The following PRKN variants were observed in gnomAD, a reference collection of about 807,000 sequenced individuals.
The protein encoded by PRKN is E3 ubiquitin-protein ligase parkin.
Under a neutral mutation model 59.5 loss-of-function variants are expected in PRKN, and 56 were observed. The ratio of observed to expected loss-of-function variants is 0.94; its 90% CI spans 0.76 to 1.18. The LOEUF (loss-of-function observed/expected upper bound fraction) is 1.18. PRKN is among the 50% of genes most tolerant of loss of function. The probability of loss-of-function intolerance (pLI) is 0.00; values close to 1 mark genes in which losing one functional copy is unlikely to be tolerated. For synonymous variants in PRKN, 250 were observed against 222.1 expected (o/e 1.13, Z -1.12); for missense variants, 657 against 596.4 (o/e 1.10, Z -1.06).
At chr6:161,605,707 C>T (rs1216194217) in intron 7 of PRKN, among the ~76,000 whole-genome samples, 1 of 151,946 alleles carries the variant, frequency 6.6e-6, no homozygotes, top group East Asian at 1.9e-4. Context: ...ATGGGGTTTC[C>T]CCACGTTGGC....
At chr6:162,606,410 T>C (rs1781914882) in intron 1 of PRKN, among the ~76,000 whole-genome samples, 1 of 152,230 alleles carries the variant, frequency 6.6e-6, no homozygotes, top group Admixed American at 6.5e-5. Flanking sequence ...ATGTAATTTA[T>C]TGAATACGAT....
At chr6:161,659,243 C>T (rs932659302) in intron 7 of PRKN, among the ~76,000 whole-genome samples, 5 of 152,158 alleles carry the variant, frequency 3.3e-5, no homozygotes, top group Non-Finnish European at 7.4e-5. Flanking sequence ...ATCCTGGGCA[C>T]ATAGAGCATA....
intron 1 of PRKN, among the ~76,000 whole-genome samples, chr6:162,709,315 G>A (rs1778443484): frequency 6.6e-6 from 1 of 151,768 alleles, no homozygotes; most frequent in Non-Finnish European, 1.5e-5. Context: ...GATCCCTGGT[G>A]CCAAAAAGGT....
chr6:161,944,788 CTA>C (rs907418951), intron 6 of PRKN, among the ~76,000 whole-genome samples: 5 of 152,150 alleles, frequency 3.3e-5, no homozygotes, highest in Non-Finnish European at 7.3e-5. Flanking sequence ...GTCATGAAAT[CTA>C]TGTTAGAAGA....
Position 161,562,187 on chromosome 6 carries a change from C to T in PRKN, c.933+7168G>A, listed in dbSNP as rs1057126516. Among the ~76,000 whole-genome samples, 3 of 152,118 alleles carry T rather than the reference C, an allele frequency of 2.0e-5. No homozygotes were observed. The highest frequency in any genetic ancestry group is 4.4e-5 in the Non-Finnish European group (3 of 68,010). The stretch of plus-strand genomic sequence containing the variant: ...TCCCCAACACCATAAATCAGCATTT[C>T]TCCTCTGGAAGGCCTGCCTTCTCGG... On this transcript the variant is annotated intron_variant, in intron 8 of 11. Coordinates refer to ENST00000366898, the MANE Select transcript of PRKN (RefSeq NM_004562.3). The surrounding 1 kb of genome is among the most constrained non-coding windows in gnomAD (Gnocchi z 4.3).
At position 161,448,517 on chromosome 6, in the gene PRKN, A is replaced by G. The variant is rs962135310; in HGVS notation, c.1084-61640T>C. Among the ~76,000 whole-genome samples, 1 of 152,246 alleles carries G rather than the reference A, an allele frequency of 6.6e-6. No individual in the cohort carries two copies. The highest frequency in any genetic ancestry group is 2.4e-5 in the African/African-American group (1 of 41,466). ...TTTGTAAAAAGCAAAGGTTACAGAC[A>G]TAAAGATCTTGCGATTCTCTTATCC... On this transcript the variant is annotated intron_variant, in intron 9 of 11. Coordinates refer to ENST00000366898, the MANE Select transcript of PRKN (RefSeq NM_004562.3). This position sits in a 1 kb window ranked among gnomAD's most constrained non-coding sequence, Gnocchi z 5.1.
At chr6:162,033,272 C>A (rs1360881493) in intron 5 of PRKN, among the ~76,000 whole-genome samples, 5 of 152,180 alleles carry the variant, frequency 3.3e-5, no homozygotes, top group Non-Finnish European at 1.5e-5. Flanking sequence ...TTCATTGATA[C>A]CTTCAGTCTT....
intron 9 of PRKN, among the ~76,000 whole-genome samples, chr6:161,524,221 G>T (rs2115366467): frequency 6.6e-6 from 1 of 152,258 alleles, no homozygotes; most frequent in Admixed American, 6.5e-5. Flanking sequence ...GTCCAGTCTT[G>T]TATTTCCAGC....
Position 161,428,432 on chromosome 6 carries a change from C to T in PRKN, c.1084-41555G>A, listed in dbSNP as rs1788491848. On this transcript the variant is annotated intron_variant, in intron 9 of 11. Coordinates refer to ENST00000366898, the MANE Select transcript of PRKN (RefSeq NM_004562.3). The surrounding 1 kb of genome is among the most constrained non-coding windows in gnomAD (Gnocchi z 4.0). ...GCCGGAGTCTGTGAGCTTCAGGGTC[C>T]ACACGAGCCTCATGGAGAGACAGGC... Among the ~76,000 whole-genome samples the T allele has an allele frequency of 6.6e-6, 1 of 152,228 alleles. No individual in the cohort carries two copies. The highest frequency in any genetic ancestry group is 3.4e-3 in the Middle Eastern group (1 of 294).
At chr6:162,461,208 G>GA (rs997235805) in intron 1 of PRKN, among the ~76,000 whole-genome samples, 37 of 150,384 alleles carry the variant, frequency 2.5e-4, no homozygotes, top group African/African-American at 8.8e-4. Context: ...AGAATGAAGA[G>GA]AAAAAAAAGG....
intron 2 of PRKN, among the ~76,000 whole-genome samples, chr6:162,314,592 C>T (rs1199657976): frequency 6.6e-6 from 1 of 152,120 alleles, no homozygotes; most frequent in African/African-American, 2.4e-5. Context: ...GGAACGGCAT[C>T]TCCAGGCAAC....
chr6:162,140,989 G>C (rs1463532690), intron 4 of PRKN, among the ~76,000 whole-genome samples: 1 of 151,982 alleles, frequency 6.6e-6, no homozygotes, highest in African/African-American at 2.4e-5. Context: ...AAGTAGCCAG[G>C]CGTTGTGGCG....
chr6:162,390,365 T>C (rs934982349), intron 2 of PRKN, among the ~76,000 whole-genome samples: 4 of 113,684 alleles, frequency 3.5e-5, no homozygotes, highest in Non-Finnish European at 7.5e-5. Context: ...ATGGTGATTA[T>C]ACTGCTAAGG....
At chr6:162,692,401 C>A (rs1480619658) in intron 1 of PRKN, among the ~76,000 whole-genome samples, 11 of 152,114 alleles carry the variant, frequency 7.2e-5, no homozygotes, top group African/African-American at 2.4e-4. Context: ...CTACCTGGGG[C>A]CTTGGGCCAC....
Position 162,335,990 on chromosome 6 carries a change from T to G in PRKN, c.172-73225A>C, listed in dbSNP as rs1225504295. Among the ~76,000 whole-genome samples, 19 of 151,350 alleles carry G rather than the reference T, an allele frequency of 1.3e-4. No homozygotes were observed. The Admixed American group carries it at 1.3e-3, about 10-fold the overall frequency. The stretch of plus-strand genomic sequence containing the variant: ...AGTGATTCTGCCACACACCTTGGCT[T>G]TCTCTGAGCAGTGCGGCCCATCTCA... On this transcript the variant is annotated intron_variant, in intron 2 of 11. Transcript: ENST00000366898.
intron 7 of PRKN, among the ~76,000 whole-genome samples, chr6:161,656,613 A>G (rs1048484967): frequency 6.6e-6 from 1 of 152,162 alleles, no homozygotes; most frequent in African/African-American, 2.4e-5. Flanking sequence ...CAGCATCTCA[A>G]CGAGGATGAT....
chr6:162,525,394 A>T (rs1255678882), intron 1 of PRKN, among the ~76,000 whole-genome samples: 1 of 151,920 alleles, frequency 6.6e-6, no homozygotes, highest in African/African-American at 2.4e-5. Context: ...GGGCCTCTGT[A>T]CTTCTTTCCT....
At chr6:161,972,398 G>A (rs971362706) in intron 6 of PRKN, among the ~76,000 whole-genome samples, 2 of 152,122 alleles carry the variant, frequency 1.3e-5, no homozygotes, top group African/African-American at 4.8e-5. Flanking sequence ...CTGTCCATTC[G>A]GAAAGTGTAG....
At chr6:162,212,618 A>G (rs971206748) in intron 3 of PRKN, among the ~76,000 whole-genome samples, 3 of 152,224 alleles carry the variant, frequency 2.0e-5, no homozygotes, top group African/African-American at 7.2e-5. Context: ...AACTTAGAGA[A>G]ATCTAAACAT....
Sources: allele counts gnomAD v4.1 joint callset (sites outside exome capture counted in the v4.1 genomes callset), GRCh38; gene constraint gnomAD v4.1.1; non-coding constraint Gnocchi (gnomAD v3.1); transcripts MANE v1.5; gene names NCBI Gene and HGNC (gene_info 2026-07-23, HGNC 2026-07-21).